The following GRM3 variants were observed in gnomAD, a reference collection of about 807,000 sequenced individuals.
The protein encoded by GRM3 is glutamate metabotropic receptor 3, also known as metabotropic glutamate receptor 3.
Under a neutral mutation model 70.5 loss-of-function variants are expected in GRM3, and 26 were observed. The ratio of observed to expected loss-of-function variants is 0.37; its 90% CI spans 0.27 to 0.51. The LOEUF is 0.51. Among genes scored for constraint, GRM3 ranks in the 20% least tolerant of loss-of-function variants. GRM3 has a pLI of 0.93. For synonymous variants in GRM3, 443 were observed against 434.9 expected (o/e 1.02, Z -0.23); for missense variants, 859 against 1,123.8 (o/e 0.76, Z 3.37).
chr7:86,731,408 A>C (rs1367255363), intron 1 of GRM3, among the ~76,000 whole-genome samples: 1 of 152,150 alleles, frequency 6.6e-6, no homozygotes, highest in Admixed American at 6.6e-5. Context: ...TGCCTCCATG[A>C]TTCTTTCCAT....
chr7:86,680,178 G>A lies in GRM3; in HGVS notation c.-141+35306G>A, dbSNP rs545583308. The stretch of plus-strand genomic sequence containing the variant: ...TAGAAATGAGCAATCATGATAAAGC[G>A]CCTAGGAACCACAAAGCATGAGGAT... On this transcript the variant is annotated intron_variant, in intron 1 of 5. Coordinates refer to ENST00000361669, the MANE Select transcript of GRM3 (RefSeq NM_000840.3). Among the ~76,000 whole-genome samples, 138 of 152,190 alleles carry A rather than the reference G, an allele frequency of 9.1e-4. No individual in the cohort carries two copies. The Middle Eastern group carries it at 0.02, about 23-fold the overall frequency.
intron 1 of GRM3, among the ~76,000 whole-genome samples, chr7:86,748,393 A>C (rs1796154649): frequency 6.6e-6 from 1 of 152,110 alleles, no homozygotes; most frequent in East Asian, 1.9e-4. Context: ...CTAGAAGAAA[A>C]ATATATATTG....
intron 5 of GRM3, among the ~76,000 whole-genome samples, chr7:86,855,245 A>G (rs1562883510): frequency 6.6e-6 from 1 of 152,208 alleles, no homozygotes; most frequent in East Asian, 1.9e-4. Context: ...TAAAGAGACA[A>G]GCTGGAAGTA....
chr7:86,821,572 T>C (rs1486399240), intron 3 of GRM3, among the ~76,000 whole-genome samples: 2 of 152,058 alleles, frequency 1.3e-5, no homozygotes, highest in Non-Finnish European at 2.9e-5. Flanking sequence ...GGACAGTACA[T>C]GGTAAAGCTG....
rs370708685 is a variant in GRM3 at position 86,654,732 on chromosome 7, C to T, written c.-141+9860C>T. Among the ~76,000 whole-genome samples the T allele has an allele frequency of 5.3e-5, 8 of 152,310 alleles. No homozygotes were observed. The East Asian group carries it at 1.3e-3, about 26-fold the overall frequency. ...CTTAGCCCAGGTTATCATCACTGTCCTCTCAATCTTTAACCATTTATCTCC... is the reference window on the plus strand; with the variant it reads ...CTTAGCCCAGGTTATCATCACTGTCTTCTCAATCTTTAACCATTTATCTCC... On this transcript the variant is annotated intron_variant, in intron 1 of 5. Coordinates refer to ENST00000361669, the MANE Select transcript of GRM3 (RefSeq NM_000840.3).
chr7:86,793,934 T>C (rs1157738056), intron 3 of GRM3, among the ~76,000 whole-genome samples: 1 of 152,158 alleles, frequency 6.6e-6, no homozygotes, highest in African/African-American at 2.4e-5. Flanking sequence ...AAATGGATCA[T>C]ACCACCTTGC....
chr7:86,770,439 T>C (rs1796710948), intron 2 of GRM3, among the ~76,000 whole-genome samples: 1 of 152,088 alleles, frequency 6.6e-6, no homozygotes, highest in Non-Finnish European at 1.5e-5. Flanking sequence ...TACTATCACA[T>C]AGTATAACAT....
At chr7:86,654,913 G>A (rs944955028) in intron 1 of GRM3, among the ~76,000 whole-genome samples, 6 of 152,102 alleles carry the variant, frequency 3.9e-5, no homozygotes, top group African/African-American at 1.4e-4. Flanking sequence ...ATAAACAAGA[G>A]AACAAATACA....
intron 2 of GRM3, 22 bp downstream of exon 2, chr7:86,765,635 G>T: frequency 6.3e-7 from 1 of 1,594,620 alleles, no homozygotes; most frequent in Non-Finnish European, 8.6e-7. Flanking sequence ...TAATGCTATT[G>T]CTAAAAGGCT....
intron 1 of GRM3, among the ~76,000 whole-genome samples, chr7:86,747,336 G>C (rs1226487902): frequency 6.6e-6 from 1 of 151,936 alleles, no homozygotes; most frequent in Admixed American, 6.6e-5. Flanking sequence ...CAGGGTAAAA[G>C]GGATTTCAAA....
intron 1 of GRM3, among the ~76,000 whole-genome samples, chr7:86,737,121 A>G (rs1795880549): frequency 1.3e-5 from 2 of 152,226 alleles, no homozygotes; most frequent in Non-Finnish European, 2.9e-5. Flanking sequence ...TTAATTCAGC[A>G]TGAAAACAGA....
In GRM3 at chr7:86,765,030, T is replaced by A; in HGVS notation, c.-116T>A. ...GGAATTTTGTGACAGGCTCTGTTAG[T>A]CTGTTCCTCCCTTATTTGAAGGACA... On this transcript the variant is annotated 5_prime_UTR_variant, in exon 2 of 6. Coordinates refer to ENST00000361669, the MANE Select transcript of GRM3 (RefSeq NM_000840.3). 1 of 1,486,468 alleles carries A rather than the reference T, an allele frequency of 6.7e-7. No individual in the cohort carries two copies. Among genetic ancestry groups the A allele is most frequent in the Non-Finnish European group, 8.9e-7 (1 of 1,126,934 alleles). The allele number at this position is 1,486,468 out of a possible 1,614,324, so 92.1% of individuals were successfully genotyped here.
In GRM3 at chr7:86,727,961, C is replaced by T. The variant is rs940695623; in HGVS notation, c.-140-37045C>T. Reference sequence around the variant, plus strand: ...AAACTTAGAATATTTATTATCTGACCCATTACAGAAAGTTTGCCAACCCAT... The same window carrying T: ...AAACTTAGAATATTTATTATCTGACTCATTACAGAAAGTTTGCCAACCCAT... On this transcript the variant is annotated intron_variant, in intron 1 of 5. Coordinates refer to ENST00000361669, the MANE Select transcript of GRM3 (RefSeq NM_000840.3). Among the ~76,000 whole-genome samples, 7 of 152,040 alleles carry T rather than the reference C, an allele frequency of 4.6e-5. No homozygotes were observed. The East Asian group carries it at 1.3e-3, about 29-fold the overall frequency.
intron 3 of GRM3, among the ~76,000 whole-genome samples, chr7:86,810,698 G>A (rs543399893): frequency 2.0e-3 from 311 of 152,036 alleles, no homozygotes; most frequent in African/African-American, 7.0e-3. Context: ...ATCAGGAGAT[G>A]TGAGGTCTGC....
At chr7:86,691,904 C>G (rs937733028) in intron 1 of GRM3, among the ~76,000 whole-genome samples, 5 of 152,144 alleles carry the variant, frequency 3.3e-5, no homozygotes, top group Non-Finnish European at 7.4e-5. Flanking sequence ...TATGGCAGCA[C>G]AAAATGGACT....
chr7:86,669,787 T>C (rs1188621756), intron 1 of GRM3, among the ~76,000 whole-genome samples: 2 of 152,178 alleles, frequency 1.3e-5, no homozygotes, highest in Non-Finnish European at 2.9e-5. Flanking sequence ...CCTGCTCTCT[T>C]CTTACCTTTA....
intron 4 of GRM3, among the ~76,000 whole-genome samples, chr7:86,843,492 C>G (rs1023854963): frequency 6.6e-6 from 1 of 152,126 alleles, no homozygotes; most frequent in Non-Finnish European, 1.5e-5. Context: ...AGAAACTATC[C>G]GAGTCATCTC....
chr7:86,689,581 T>C (rs766666867), intron 1 of GRM3, among the ~76,000 whole-genome samples: 3 of 152,110 alleles, frequency 2.0e-5, no homozygotes, highest in Non-Finnish European at 2.9e-5. Context: ...AATGTTAATA[T>C]TTTGCACTTA....
intron 1 of GRM3, among the ~76,000 whole-genome samples, chr7:86,748,904 A>T (rs1447333852): frequency 2.6e-5 from 4 of 152,092 alleles, no homozygotes; most frequent in Non-Finnish European, 5.9e-5. Flanking sequence ...GCAGTTAATA[A>T]TAGTGAATTC....
Sources: allele counts gnomAD v4.1 joint callset (sites outside exome capture counted in the v4.1 genomes callset), GRCh38; gene constraint gnomAD v4.1.1; transcripts MANE v1.5; gene names NCBI Gene and HGNC (gene_info 2026-07-23, HGNC 2026-07-21).